TNIK: variants seen among roughly 807,000 people sequenced by gnomAD.
TNIK encodes TRAF2 and NCK-interacting protein kinase.
TNIK carries 49 observed loss-of-function variants against 191.3 expected under a neutral mutation model. That is an observed-to-expected ratio of 0.26 (90% CI 0.20 to 0.32). The LOEUF is 0.32. Ranked by LOEUF, TNIK falls within the 10% of genes least tolerant of loss-of-function variation. TNIK has a pLI of 1.00. For synonymous variants in TNIK, 594 were observed against 600.9 expected (o/e 0.99, Z 0.17); for missense variants, 1,155 against 1,702.3 (o/e 0.68, Z 5.66).
intron 2 of TNIK, among the ~76,000 whole-genome samples, chr3:171,264,496 C>CA (rs1210419876): frequency 6.6e-6 from 1 of 152,144 alleles, no homozygotes; most frequent in Non-Finnish European, 1.5e-5. Context: ...GCTAGGATTA[C>CA]AGGCATGCGC....
chr3:171,147,541 T>C (rs1331734515), intron 12 of TNIK, among the ~76,000 whole-genome samples: 1 of 152,174 alleles, frequency 6.6e-6, no homozygotes, highest in Non-Finnish European at 1.5e-5. Flanking sequence ...AAACCTTTTT[T>C]TATGTAAGGA....
intron 2 of TNIK, among the ~76,000 whole-genome samples, chr3:171,252,839 A>G (rs561586789): frequency 6.6e-6 from 1 of 152,344 alleles, no homozygotes; most frequent in Non-Finnish European, 1.5e-5. Flanking sequence ...GAACATAAAA[A>G]TAAACAGCTA....
chr3:171,348,048 C>T (rs1010360435), intron 2 of TNIK, among the ~76,000 whole-genome samples: 3 of 152,132 alleles, frequency 2.0e-5, no homozygotes, highest in African/African-American at 7.2e-5. Flanking sequence ...GCATGGTAGC[C>T]ACAGTGCTAG....
intron 2 of TNIK, among the ~76,000 whole-genome samples, chr3:171,267,313 C>CAGT (rs1748518452): frequency 6.6e-6 from 1 of 152,186 alleles, no homozygotes; most frequent in South Asian, 2.1e-4. Context: ...TTGTTCAATA[C>CAGT]AGTACCAAAG....
chr3:171,105,292 T>C (rs1724603011), intron 21 of TNIK, among the ~76,000 whole-genome samples: 1 of 152,202 alleles, frequency 6.6e-6, no homozygotes, highest in South Asian at 2.1e-4. Context: ...GATAATTCTT[T>C]ATTGTAGGGA....
chr3:171,072,955 T>A (rs1001484218), intron 28 of TNIK, among the ~76,000 whole-genome samples: 1 of 152,110 alleles, frequency 6.6e-6, no homozygotes, highest in Admixed American at 6.5e-5. Flanking sequence ...CCCGTGCTCA[T>A]GGATAGGAAG....
At chr3:171,272,651 C>T (rs1749255565) in intron 2 of TNIK, among the ~76,000 whole-genome samples, 1 of 151,754 alleles carries the variant, frequency 6.6e-6, no homozygotes, top group Non-Finnish European at 1.5e-5. Context: ...TTTTCATTTC[C>T]TTCATTGTAT....
chr3:171,445,462 G>A (rs1211413166), intron 1 of TNIK, among the ~76,000 whole-genome samples: 2 of 150,910 alleles, frequency 1.3e-5, no homozygotes, highest in Admixed American at 6.6e-5. Context: ...GCCTAACAGA[G>A]GATCCTGAAG....
chr3:171,139,378 G>GCACGCA (rs1553830158), intron 14 of TNIK, 92 bp downstream of exon 14: 3 of 692,884 alleles, frequency 4.3e-6, no homozygotes, highest in Non-Finnish European at 7.5e-6. Flanking sequence ...ACGCACGCGC[G>GCACGCA]CACACACACA....
At chr3:171,374,664 T>G (rs1716975851) in intron 1 of TNIK, among the ~76,000 whole-genome samples, 1 of 152,230 alleles carries the variant, frequency 6.6e-6, no homozygotes, top group Admixed American at 6.5e-5. Context: ...TTTACATTAT[T>G]TCATAATGAA....
At chr3:171,276,402 A>C (rs950387850) in intron 2 of TNIK, among the ~76,000 whole-genome samples, 5 of 152,192 alleles carry the variant, frequency 3.3e-5, no homozygotes, top group African/African-American at 1.2e-4. Context: ...AGGGGCTGGG[A>C]AAAAACTCCA....
chr3:171,113,457 T>G (rs1042153871), intron 18 of TNIK, among the ~76,000 whole-genome samples: 1 of 151,924 alleles, frequency 6.6e-6, no homozygotes, highest in Admixed American at 6.6e-5. Flanking sequence ...TACAAAAAAA[T>G]TAGCTGGGCG....
intron 2 of TNIK, among the ~76,000 whole-genome samples, chr3:171,287,225 C>T (rs1246251405): frequency 6.6e-6 from 1 of 152,170 alleles, no homozygotes; most frequent in Non-Finnish European, 1.5e-5. Context: ...AAAAAAAACC[C>T]TCAAAATTGA....
chr3:171,206,644 A>T (rs573514231), intron 4 of TNIK, among the ~76,000 whole-genome samples: 1 of 152,250 alleles, frequency 6.6e-6, no homozygotes, highest in African/African-American at 2.4e-5. Flanking sequence ...CTAAAGTGTT[A>T]TGTTTTAGGA....
intron 2 of TNIK, among the ~76,000 whole-genome samples, chr3:171,357,281 T>G (rs1170899604): frequency 1.3e-5 from 2 of 151,676 alleles, no homozygotes; most frequent in Non-Finnish European, 2.9e-5. Flanking sequence ...CATTCCAAAC[T>G]CAGCAGAATT....
intron 1 of TNIK, among the ~76,000 whole-genome samples, chr3:171,443,574 C>T (rs1727106085): frequency 6.6e-6 from 1 of 152,106 alleles, no homozygotes. Flanking sequence ...TGGCTCCTAC[C>T]TGTAATCCCA....
At chr3:171,322,689 T>G (rs1755288344) in intron 2 of TNIK, among the ~76,000 whole-genome samples, 1 of 152,040 alleles carries the variant, frequency 6.6e-6, no homozygotes, top group Admixed American at 6.5e-5. Context: ...GGTGTAAAAA[T>G]AAGCCACTAA....
At chr3:171,270,348 T>A (rs1577310492) in intron 2 of TNIK, among the ~76,000 whole-genome samples, 1 of 152,276 alleles carries the variant, frequency 6.6e-6, no homozygotes, top group East Asian at 1.9e-4. Flanking sequence ...TAGAAGACAG[T>A]ACTACATCTT....
intron 1 of TNIK, among the ~76,000 whole-genome samples, chr3:171,438,744 T>C (rs950174537): frequency 2.6e-5 from 4 of 152,142 alleles, no homozygotes; most frequent in Non-Finnish European, 5.9e-5. Flanking sequence ...TAAGAAAGTG[T>C]CTTAGTAACA....
Sources: gnomAD v4.1 joint callset for allele counts (sites outside exome capture counted in the v4.1 genomes callset) on GRCh38, gnomAD v4.1.1 for gene constraint, MANE v1.5 for transcripts, NCBI Gene and HGNC (gene_info 2026-07-23, HGNC 2026-07-21) for gene names.